RYR3: variants seen among roughly 807,000 people sequenced by gnomAD.
RYR3 encodes the protein brain ryanodine receptor-calcium release channel.
A neutral mutation model predicts 584.3 loss-of-function variants in RYR3; 207 were observed. The ratio of observed to expected loss-of-function variants is 0.35; its 90% confidence interval spans 0.32 to 0.40. The LOEUF (loss-of-function observed/expected upper bound fraction) is 0.40. RYR3 is among the 10% of genes least tolerant of loss of function. The pLI is 1.00. For synonymous variants in RYR3, 2,416 were observed against 2,248.5 expected (o/e 1.07, Z -2.11); for missense variants, 5,616 against 6,089.2 (o/e 0.92, Z 2.59).
chr15:33,642,008 T>C (rs934626467), intron 27 of RYR3, among the ~76,000 whole-genome samples: 7 of 152,178 alleles, frequency 4.6e-5, no homozygotes, highest in African/African-American at 1.4e-4. Flanking sequence ...TTTTGTCACT[T>C]GCCCTTCCCG....
chr15:33,536,348 G>A (rs2055328566), intron 5 of RYR3, among the ~76,000 whole-genome samples: 1 of 152,102 alleles, frequency 6.6e-6, no homozygotes, highest in African/African-American at 2.4e-5. Flanking sequence ...TTTTATCCTT[G>A]ATTTTGGGTA....
rs543374132 is a variant in RYR3, at chr15:33,358,125, G to T, written c.51+47029G>T. ...ATGGAGTCAGGTTGGGTCCAATCCT[G>T]GCTGAGTGACCACTGACAAGTTGTA... is the stretch of plus-strand genomic sequence containing the variant. On this transcript the variant is annotated intron_variant, in intron 1 of 103. Coordinates refer to ENST00000634891, the MANE Select transcript of RYR3 (RefSeq NM_001036.6). Among the ~76,000 whole-genome samples the T allele has an allele frequency of 5.3e-5, 8 of 152,314 alleles. No individual in the cohort carries two copies. The East Asian group carries it at 1.3e-3, about 26-fold the overall frequency.
Position 33,601,524 on chromosome 15 carries a change from C to G in RYR3, c.1894C>G (p.Gln632Glu). The G allele has an allele frequency of 6.2e-7, 1 of 1,613,794 alleles. No homozygotes were observed. Among genetic ancestry groups the G allele is most frequent in the Non-Finnish European group, 8.5e-7 (1 of 1,179,820 alleles). The change falls in exon 17 of 104, where the codon CAG (glutamine) becomes GAG (glutamate). Residue 632 changes from glutamine to glutamate, a missense_variant. Gln to Glu is a conservative substitution (Grantham distance 29). This residue lies in a region of RYR3 where 1,284 missense variants were observed against 1,344.6 expected (regional missense o/e 0.95). Coordinates refer to ENST00000634891, the MANE Select transcript of RYR3 (RefSeq NM_001036.6). The part of the protein sequence containing the change: ...NLLPRRNLLL[Q>E]TRLINDVTSI... Reference sequence around the variant, plus strand: ...GCTGCCCCGGAGAAACCTACTCCTGCAGACACGACTGATTAACGATGTAAC... The same window carrying G: ...GCTGCCCCGGAGAAACCTACTCCTGGAGACACGACTGATTAACGATGTAAC...
intron 38 of RYR3, among the ~76,000 whole-genome samples, chr15:33,691,497 A>T (rs1333623698): frequency 6.6e-6 from 1 of 152,208 alleles, no homozygotes. Flanking sequence ...ACTTGAAGTG[A>T]AAGGCTTACT....
chr15:33,341,064 A>G (rs182562801), intron 1 of RYR3, among the ~76,000 whole-genome samples: 42 of 152,160 alleles, frequency 2.8e-4, no homozygotes, highest in Admixed American at 1.6e-3. Context: ...TTTGAGACAG[A>G]GTCTCACTCT....
At position 33,632,930 on chromosome 15, in the gene RYR3, C is replaced by T. The variant is rs1169511287; in HGVS notation, c.2868-19C>T. ...CATGGAGATCTGTTAAAAATGTATA[C>T]TTTTACATTTACTTGTAGCTATATG... On this transcript the variant is annotated intron_variant, in intron 23 of 103. Transcript: ENST00000634891. The T allele has an allele frequency of 6.3e-7, 1 of 1,597,868 alleles. No homozygotes were observed. The highest frequency in any genetic ancestry group is 8.5e-7 in the Non-Finnish European group (1 of 1,169,892).
At chr15:33,749,851 C>G in intron 55 of RYR3, 128 bp from the exon 56 acceptor site, 1 of 704,418 alleles carries the variant, frequency 1.4e-6, no homozygotes, top group Non-Finnish European at 2.5e-6. Context: ...GATGGGAAGC[C>G]CTTGGCCGTC....
intron 3 of RYR3, among the ~76,000 whole-genome samples, chr15:33,515,528 T>C (rs2053433835): frequency 6.6e-6 from 1 of 152,374 alleles, no homozygotes; most frequent in Middle Eastern, 3.4e-3. Flanking sequence ...AACTTCAGTC[T>C]TTCCTATGGC....
At chr15:33,691,404 G>C (rs369416229) in intron 38 of RYR3, among the ~76,000 whole-genome samples, 10 of 152,286 alleles carry the variant, frequency 6.6e-5, no homozygotes, top group African/African-American at 1.9e-4. Flanking sequence ...AAGCTGTCGA[G>C]CTCCCAGTGG....
At chr15:33,538,043 C>G (rs1196890510) in intron 5 of RYR3, among the ~76,000 whole-genome samples, 1 of 151,456 alleles carries the variant, frequency 6.6e-6, no homozygotes, top group Non-Finnish European at 1.5e-5. Flanking sequence ...GGAAGGGATC[C>G]TTCATAGATA....
intron 67 of RYR3, among the ~76,000 whole-genome samples, chr15:33,789,637 TATATATATATATATATA>T: frequency 4.5e-5 from 1 of 22,214 alleles, no homozygotes; most frequent in Non-Finnish European, 8.9e-5. Flanking sequence ...TATATATATA[TATATATATATATATATA>T]TATATTTTTT....
At position 33,316,158 on chromosome 15, in the gene RYR3, A is replaced by G. The variant is rs1968142167; in HGVS notation, c.51+5062A>G. ...GAGTGGGAGGAATTTATCTGGAGAG[A>G]AAAATACTCTGATAATTATTTTTGA... On this transcript the variant is annotated intron_variant, in intron 1 of 103. Coordinates refer to ENST00000634891, the MANE Select transcript of RYR3 (RefSeq NM_001036.6). 2.0e-5 allele frequency among the ~76,000 whole-genome samples: 3 copies of G among 152,216 alleles called. 1 individual carries two copies. The highest frequency in any genetic ancestry group is 7.2e-5 in the African/African-American group (3 of 41,450).
chr15:33,844,630 G>A (rs540948638), intron 92 of RYR3, among the ~76,000 whole-genome samples: 10 of 152,168 alleles, frequency 6.6e-5, no homozygotes, highest in Admixed American at 2.0e-4. Context: ...TAATTTTTTT[G>A]CTTTCTTCTC....
At chr15:33,565,137 G>A (rs1446659007) in intron 11 of RYR3, among the ~76,000 whole-genome samples, 2 of 152,074 alleles carry the variant, frequency 1.3e-5, no homozygotes, top group Non-Finnish European at 2.9e-5. Flanking sequence ...GCTGAGATCA[G>A]TAGGGTTCAT....
chr15:33,425,719 G>C (rs1315124642), intron 1 of RYR3, among the ~76,000 whole-genome samples: 1 of 141,878 alleles, frequency 7.0e-6, no homozygotes, highest in African/African-American at 2.7e-5. Context: ...TTGGCTCACT[G>C]CAAGCTCCGC....
chr15:33,743,696 A>G (rs937753783), intron 52 of RYR3, among the ~76,000 whole-genome samples: 2 of 152,176 alleles, frequency 1.3e-5, no homozygotes, highest in Admixed American at 6.5e-5. Context: ...TCTCTCTTAT[A>G]TCTGTATATT....
chr15:33,837,244 C>G (rs2078107892), intron 88 of RYR3, among the ~76,000 whole-genome samples: 1 of 152,172 alleles, frequency 6.6e-6, no homozygotes, highest in African/African-American at 2.4e-5. Flanking sequence ...CTTCCCTATC[C>G]TCTCCCTCTC....
At chr15:33,732,078 G>A (rs761696354) in intron 48 of RYR3, among the ~76,000 whole-genome samples, 3 of 152,138 alleles carry the variant, frequency 2.0e-5, no homozygotes, top group Non-Finnish European at 4.4e-5. Context: ...CAGACTCTGA[G>A]TGTGAATAAA....
intron 8 of RYR3, among the ~76,000 whole-genome samples, chr15:33,545,916 C>T (rs926021488): frequency 6.6e-6 from 1 of 152,148 alleles, no homozygotes; most frequent in African/African-American, 2.4e-5. Context: ...AGAGTGGAAA[C>T]CCAAGATTAA....
Sources: allele counts gnomAD v4.1 joint callset (sites outside exome capture counted in the v4.1 genomes callset), GRCh38; gene constraint gnomAD v4.1.1; regional missense constraint gnomAD v4.1.1; transcripts MANE v1.5; gene names NCBI Gene and HGNC (gene_info 2026-07-23, HGNC 2026-07-21).